Variants in NKD1 observed in about 807,000 individuals in gnomAD.
NKD1 encodes the protein protein naked cuticle homolog 1.
NKD1 carries 21 observed loss-of-function variants against 56.0 expected under a neutral mutation model. The ratio of observed to expected loss-of-function variants is 0.38; its 90% CI spans 0.27 to 0.54. The LOEUF is 0.54. Among genes scored for constraint, NKD1 ranks in the 20% least tolerant of loss-of-function variants. NKD1 has a pLI of 0.82. For missense variants in NKD1, 578 were observed against 642.7 expected (o/e 0.90, Z 1.09); for synonymous variants, 263 against 265.7 (o/e 0.99, Z 0.10).
intron 3 of NKD1, among the ~76,000 whole-genome samples, chr16:50,581,078 T>G (rs556360465): frequency 1.3e-5 from 2 of 152,348 alleles, no homozygotes; most frequent in South Asian, 4.1e-4. Context: ...ATATTAAACC[T>G]GCCCCCATTT....
At chr16:50,592,075 G>C (rs1322490822) in intron 3 of NKD1, among the ~76,000 whole-genome samples, 1 of 152,224 alleles carries the variant, frequency 6.6e-6, no homozygotes, top group Admixed American at 6.5e-5. Context: ...CTTGGCTGCC[G>C]CTGAGGACAG....
intron 3 of NKD1, among the ~76,000 whole-genome samples, chr16:50,604,527 T>C (rs1961664178): frequency 6.6e-6 from 1 of 152,228 alleles, no homozygotes; most frequent in African/African-American, 2.4e-5. Context: ...TGCTAAGCGC[T>C]TCACATGCAA....
intron 3 of NKD1, among the ~76,000 whole-genome samples, chr16:50,590,712 G>T (rs1018561355): frequency 6.6e-6 from 1 of 152,224 alleles, no homozygotes; most frequent in Admixed American, 6.5e-5. Flanking sequence ...CAGGACCCAA[G>T]CCTCAGGCCA....
At chr16:50,575,085 G>A in intron 3 of NKD1, 1 of 983,676 alleles carries the variant, frequency 1.0e-6, no homozygotes, top group Non-Finnish European at 1.2e-6. Context: ...CATGACACCA[G>A]TAAGTAGGTG....
intron 3 of NKD1, among the ~76,000 whole-genome samples, chr16:50,561,269 G>A (rs1362239343): frequency 6.6e-6 from 1 of 151,920 alleles, no homozygotes; most frequent in African/African-American, 2.4e-5. Context: ...GCTGCGCTGG[G>A]AACCCTGAGC....
At chr16:50,568,140 G>T (rs997707607) in intron 3 of NKD1, among the ~76,000 whole-genome samples, 3 of 152,240 alleles carry the variant, frequency 2.0e-5, no homozygotes, top group African/African-American at 4.8e-5. Flanking sequence ...TTTGGAGTTG[G>T]GAGTGGGTGA....
intron 8 of NKD1, 109 bp downstream of exon 8, chr16:50,631,019 C>A (rs1567354711): frequency 1.2e-5 from 9 of 741,034 alleles, no homozygotes; most frequent in Non-Finnish European, 1.9e-5. Context: ...CTTCAGGGAG[C>A]CAACACTTTT....
intron 4 of NKD1, among the ~76,000 whole-genome samples, chr16:50,618,668 T>C (rs1236492778): frequency 6.6e-6 from 1 of 152,190 alleles, no homozygotes; most frequent in Non-Finnish European, 1.5e-5. Flanking sequence ...GTGCTGACTG[T>C]CCTTGTTCCT....
At chr16:50,563,204 C>A (rs1960681125) in intron 3 of NKD1, among the ~76,000 whole-genome samples, 1 of 152,250 alleles carries the variant, frequency 6.6e-6, no homozygotes, top group Admixed American at 6.5e-5. Context: ...CTTAAATAGC[C>A]CCATGAGGCT....
chr16:50,618,425 C>T (rs868452689), intron 4 of NKD1, among the ~76,000 whole-genome samples: 1 of 152,210 alleles, frequency 6.6e-6, no homozygotes, highest in Non-Finnish European at 1.5e-5. Context: ...CCGCCTCTCC[C>T]GCCTCCAGTG....
chr16:50,584,720 A>G (rs964893070), intron 3 of NKD1, among the ~76,000 whole-genome samples: 1 of 152,252 alleles, frequency 6.6e-6, no homozygotes, highest in Non-Finnish European at 1.5e-5. Flanking sequence ...CCATAGGCAC[A>G]TGGAGAATTG....
intron 3 of NKD1, among the ~76,000 whole-genome samples, chr16:50,595,787 G>A (rs758976686): frequency 2.0e-5 from 3 of 152,112 alleles, no homozygotes; most frequent in Admixed American, 6.5e-5. Context: ...CTGACCATAC[G>A]GACTCTCCCA....
At chr16:50,572,249 G>C (rs1167043026) in intron 3 of NKD1, among the ~76,000 whole-genome samples, 1 of 152,230 alleles carries the variant, frequency 6.6e-6, no homozygotes, top group Non-Finnish European at 1.5e-5. Context: ...GCAAGGAGTT[G>C]TGGATATTGT....
intron 3 of NKD1, among the ~76,000 whole-genome samples, chr16:50,561,706 C>G (rs1326577081): frequency 6.6e-6 from 1 of 152,186 alleles, no homozygotes; most frequent in African/African-American, 2.4e-5. Flanking sequence ...GGCCAGGACT[C>G]TTTAAGGTTT....
Position 50,632,231 on chromosome 16 carries a change from C to T in NKD1, c.696-50C>T. ...GCTTCCTAGTAGCCTATGCGCTTGCCCCCACCTGGTGGTTGGTGTTATCCC... is the reference window on the plus strand; with the variant it reads ...GCTTCCTAGTAGCCTATGCGCTTGCTCCCACCTGGTGGTTGGTGTTATCCC... On this transcript the variant is annotated intron_variant, in intron 8 of 9. Coordinates refer to ENST00000268459, the MANE Select transcript of NKD1 (RefSeq NM_033119.5). The surrounding 1 kb of genome is among the most constrained non-coding windows in gnomAD (Gnocchi z 4.1). 3.7e-6 allele frequency: 6 copies of T among 1,605,514 alleles called. No homozygotes were observed. The highest frequency in any genetic ancestry group is 5.1e-6 in the Non-Finnish European group (6 of 1,173,648).
intron 3 of NKD1, among the ~76,000 whole-genome samples, chr16:50,597,404 G>A (rs913540933): frequency 2.6e-5 from 4 of 152,116 alleles, no homozygotes; most frequent in Admixed American, 6.5e-5. Flanking sequence ...CACATCATTT[G>A]TTTTAATGGA....
At chr16:50,556,766 G>A (rs937261207) in intron 3 of NKD1, 1 of 148,830 alleles carries the variant, frequency 6.7e-6, no homozygotes, top group African/African-American at 2.5e-5. Context: ...TAGAGACAGG[G>A]ACTCACTGTG....
At chr16:50,611,010 C>T (rs1471563923) in intron 4 of NKD1, among the ~76,000 whole-genome samples, 1 of 152,190 alleles carries the variant, frequency 6.6e-6, no homozygotes, top group Non-Finnish European at 1.5e-5. Flanking sequence ...GGAGGGGTGA[C>T]CCCATGCTCA....
intron 3 of NKD1, chr16:50,606,622 A>T: frequency 2.7e-6 from 1 of 371,250 alleles, no homozygotes; most frequent in South Asian, 2.0e-5. Context: ...GTTGGTGGCG[A>T]TGTCTGGAGT....
Sources: allele counts gnomAD v4.1 joint callset (sites outside exome capture counted in the v4.1 genomes callset), GRCh38; gene constraint gnomAD v4.1.1; non-coding constraint Gnocchi (gnomAD v3.1); transcripts MANE v1.5; gene names NCBI Gene and HGNC (gene_info 2026-07-23, HGNC 2026-07-21).